Variants in RIN2 observed in about 807,000 individuals in gnomAD.
RIN2 encodes Ras and Rab interactor 2, also known as RAB5 interacting protein 2.
Under a neutral mutation model 78.0 loss-of-function variants are expected in RIN2, and 36 were observed. The ratio of observed to expected loss-of-function variants is 0.46; its 90% CI spans 0.35 to 0.61. The LOEUF is 0.61. Ranked by LOEUF, RIN2 falls within the 20% of genes least tolerant of loss-of-function variation. The pLI, the probability that RIN2 is intolerant of heterozygous loss-of-function variation, is 0.00. For synonymous variants in RIN2, 466 were observed against 466.8 expected (o/e 1.00, Z 0.02); for missense variants, 1,087 against 1,159.7 (o/e 0.94, Z 0.91).
At chr20:19,952,170 G>A (rs948987683) in intron 4 of RIN2, among the ~76,000 whole-genome samples, 4 of 152,178 alleles carry the variant, frequency 2.6e-5, no homozygotes, top group Middle Eastern at 3.2e-3. Flanking sequence ...AGGCTAGAAG[G>A]CCACTCTTCT....
At chr20:19,764,918 G>GTTTTTTATTTTTTTTTTTT (rs2033806296) in intron 1 of RIN2, among the ~76,000 whole-genome samples, 1 of 50,362 alleles carries the variant, frequency 2.0e-5, no homozygotes, top group Non-Finnish European at 3.6e-5. Context: ...CACTTTCTGC[G>GTTTTTTATTTTTTTTTTTT]TTTTTTTTTT....
intron 2 of RIN2, among the ~76,000 whole-genome samples, chr20:19,847,923 T>C (rs556266675): frequency 6.6e-6 from 1 of 152,282 alleles, no homozygotes; most frequent in South Asian, 2.1e-4. Flanking sequence ...ACAGGCCATA[T>C]GGTCCTTGTT....
chr20:19,803,294 G>A (rs2035305135), intron 2 of RIN2, among the ~76,000 whole-genome samples: 1 of 152,122 alleles, frequency 6.6e-6, no homozygotes, highest in Non-Finnish European at 1.5e-5. Flanking sequence ...AGCTTGTTGT[G>A]TGCAAAAAGA....
At chr20:19,890,703 A>AAC (rs2038417742) in intron 3 of RIN2, among the ~76,000 whole-genome samples, 1 of 148,298 alleles carries the variant, frequency 6.7e-6, no homozygotes. Flanking sequence ...AAAAAAAAAA[A>AAC]CCATCAGAAG....
At chr20:19,961,189 T>C (rs1468078565) in intron 6 of RIN2, among the ~76,000 whole-genome samples, 1 of 152,190 alleles carries the variant, frequency 6.6e-6, no homozygotes, top group Non-Finnish European at 1.5e-5. Flanking sequence ...TTCACGCTAA[T>C]CCTAAATCCT....
chr20:19,983,170 C>A (rs1427932467), intron 9 of RIN2, among the ~76,000 whole-genome samples: 3 of 152,168 alleles, frequency 2.0e-5, no homozygotes, highest in African/African-American at 7.2e-5. Flanking sequence ...AGCTTTCACT[C>A]AATGTTAGTT....
chr20:19,847,750 T>G (rs965359954), intron 2 of RIN2, among the ~76,000 whole-genome samples: 4 of 152,244 alleles, frequency 2.6e-5, no homozygotes, highest in African/African-American at 9.6e-5. Flanking sequence ...AGTATTAAAA[T>G]TAATTTTACC....
At chr20:19,818,960 A>G (rs1158433645) in intron 2 of RIN2, among the ~76,000 whole-genome samples, 1 of 152,252 alleles carries the variant, frequency 6.6e-6, no homozygotes, top group Non-Finnish European at 1.5e-5. Context: ...TCCATGTTAT[A>G]TTATCAAATG....
intron 2 of RIN2, among the ~76,000 whole-genome samples, chr20:19,831,077 A>G (rs1281052410): frequency 1.3e-5 from 2 of 152,012 alleles, no homozygotes; most frequent in African/African-American, 2.4e-5. Flanking sequence ...ACCCCAACCC[A>G]TGACCATCAG....
At chr20:19,784,816 G>A (rs2034620463) in intron 1 of RIN2, among the ~76,000 whole-genome samples, 1 of 152,102 alleles carries the variant, frequency 6.6e-6, no homozygotes, top group African/African-American at 2.4e-5. Flanking sequence ...TGGAAGGACA[G>A]GCCCCATCCT....
intron 2 of RIN2, among the ~76,000 whole-genome samples, chr20:19,829,829 A>C (rs539230606): frequency 3.9e-5 from 6 of 152,054 alleles, no homozygotes; most frequent in South Asian, 2.1e-4. Flanking sequence ...GCTCAGAGCA[A>C]CTCCAGCTCT....
At chr20:19,784,867 C>T (rs1308263524) in intron 1 of RIN2, among the ~76,000 whole-genome samples, 1 of 151,952 alleles carries the variant, frequency 6.6e-6, no homozygotes, top group African/African-American at 2.4e-5. Flanking sequence ...AGGCTACAGC[C>T]GTAGGAAAGG....
intron 3 of RIN2, among the ~76,000 whole-genome samples, chr20:19,904,238 A>AT (rs1205810584): frequency 1.5e-4 from 14 of 96,374 alleles, no homozygotes; most frequent in African/African-American, 3.8e-4. Context: ...TCTCAAAAAA[A>AT]AAATATATAT....
rs60719304 is a variant in RIN2 at position 19,955,552 on chromosome 20, G to A, written c.159-1063G>A. On this transcript the variant is annotated intron_variant, in intron 4 of 12. Transcript: ENST00000255006. ...GAATTTCGTCAGGTTCCACGGGCTG[G>A]CTTCAAACTCCTGGGTTCAAGTGAT... 6.6e-3 allele frequency among the ~76,000 whole-genome samples: 1,004 copies of A among 152,188 alleles called. 14 individuals are homozygous for A. Among genetic ancestry groups the A allele is most frequent in the African/African-American group, 0.023 (959 of 41,514 alleles).
chr20:19,870,549 A>G (rs1390262160), intron 2 of RIN2, among the ~76,000 whole-genome samples: 1 of 152,208 alleles, frequency 6.6e-6, no homozygotes, highest in Non-Finnish European at 1.5e-5. Flanking sequence ...CAGGAGGTTG[A>G]GGCACGAGAA....
chr20:19,975,747 G>T lies in RIN2; in HGVS notation c.1722G>T (p.Leu574=), dbSNP rs752450977. Residue 574 remains leucine (L), a synonymous_variant, in exon 9 of 13, where the codon CTG becomes CTT. Transcript: ENST00000255006. The surrounding 1 kb of genome is among the most constrained non-coding windows in gnomAD (Gnocchi z 4.9). The part of the protein sequence containing the change: ...VKNYLSQSSE[L]DPPIESLIPE... ...ACTATTTGTCTCAGAGCTCGGAGCT[G>T]GACCCCCCCATCGAGTCGCTGATCC... The T allele has an allele frequency of 6.2e-7, 1 of 1,612,690 alleles. No individual in the cohort carries two copies.
Position 19,828,947 on chromosome 20 carries a change from T to C in RIN2, c.-37+29200T>C, listed in dbSNP as rs539171280. ...TGGTTTGGCTCATGTGAAGCCCTGG[T>C]TGATAGGGTGGGTGGAAGGAAAGGA... On this transcript the variant is annotated intron_variant, in intron 2 of 12. Coordinates refer to ENST00000255006, the MANE Select transcript of RIN2 (RefSeq NM_018993.4). Among the ~76,000 whole-genome samples the C allele has an allele frequency of 7.9e-5, 12 of 152,262 alleles. No individual in the cohort carries two copies. The East Asian group carries it at 2.1e-3, about 27-fold the overall frequency.
chr20:19,863,197 A>G (rs1361654192), intron 2 of RIN2, among the ~76,000 whole-genome samples: 1 of 152,256 alleles, frequency 6.6e-6, no homozygotes, highest in African/African-American at 2.4e-5. Flanking sequence ...CTCTGGAGTC[A>G]GCACTTGTCA....
intron 1 of RIN2, among the ~76,000 whole-genome samples, chr20:19,779,578 C>A (rs1465351818): frequency 6.6e-6 from 1 of 152,184 alleles, no homozygotes; most frequent in Non-Finnish European, 1.5e-5. Context: ...TCTATGTTGA[C>A]CCCTAGGATG....
Sources: gnomAD v4.1 joint callset for allele counts (sites outside exome capture counted in the v4.1 genomes callset) on GRCh38, gnomAD v4.1.1 for gene constraint, Gnocchi (gnomAD v3.1) non-coding constraint, MANE v1.5 for transcripts, NCBI Gene and HGNC (gene_info 2026-07-23, HGNC 2026-07-21) for gene names.